The following GALNT13 variants were observed in gnomAD, a reference collection of about 807,000 sequenced individuals.
GALNT13 encodes polypeptide N-acetylgalactosaminyltransferase 13.
A neutral mutation model predicts 64.2 loss-of-function variants in GALNT13; 28 were observed. That is an observed-to-expected ratio of 0.44 (90% CI 0.32 to 0.60). The LOEUF is 0.60. GALNT13 is among the 20% of genes least tolerant of loss of function. GALNT13 has a pLI of 0.05. For missense variants in GALNT13, 577 were observed against 669.8 expected (o/e 0.86, Z 1.53); for synonymous variants, 214 against 224.6 (o/e 0.95, Z 0.42).
At chr2:154,247,093 A>G (rs1352486687) in intron 7 of GALNT13, among the ~76,000 whole-genome samples, 1 of 152,100 alleles carries the variant, frequency 6.6e-6, no homozygotes, top group Non-Finnish European at 1.5e-5. Flanking sequence ...GGCTAAAGGT[A>G]TTTGTTACTG....
intron 3 of GALNT13, among the ~76,000 whole-genome samples, chr2:154,097,250 C>T (rs1023774497): frequency 5.3e-5 from 8 of 151,924 alleles, no homozygotes; most frequent in Admixed American, 4.6e-4. Context: ...TCTCTGTCCT[C>T]GCTTAATTCA....
At chr2:154,110,083 G>T (rs1409207176) in intron 3 of GALNT13, among the ~76,000 whole-genome samples, 1 of 151,486 alleles carries the variant, frequency 6.6e-6, no homozygotes, top group Non-Finnish European at 1.5e-5. Context: ...GTAGAATTCA[G>T]CAGTGAAGGC....
chr2:153,781,727 A>T, the GALNT13 span, among the ~76,000 whole-genome samples: 321 of 152,310 alleles, frequency 2.1e-3, 1 homozygote, highest in African/African-American at 7.6e-3. Context: ...TAGCAGATTT[A>T]ACATTTTCTG....
intron 3 of GALNT13, among the ~76,000 whole-genome samples, chr2:154,099,175 G>A (rs1323988548): frequency 6.6e-6 from 1 of 152,224 alleles, no homozygotes; most frequent in African/African-American, 2.4e-5. Flanking sequence ...AATTAGTGAT[G>A]TTGAGCATTT....
chr2:153,857,288 T>C, the GALNT13 span, among the ~76,000 whole-genome samples: 3 of 152,188 alleles, frequency 2.0e-5, no homozygotes, highest in African/African-American at 4.8e-5. Context: ...GTGGTTGTTA[T>C]ATATTTACCA....
chr2:153,259,113 G>A, the GALNT13 span, among the ~76,000 whole-genome samples: 5 of 152,142 alleles, frequency 3.3e-5, no homozygotes, highest in African/African-American at 1.2e-4. Flanking sequence ...CTCCAGTGTT[G>A]GGAGTATGTA....
the GALNT13 span, among the ~76,000 whole-genome samples, chr2:153,616,884 T>G: frequency 2.0e-5 from 3 of 152,048 alleles, no homozygotes; most frequent in Non-Finnish European, 4.4e-5. Context: ...ATAATTTGAC[T>G]TCTTTCTTTC....
chr2:153,425,163 A>C, the GALNT13 span, among the ~76,000 whole-genome samples: 1 of 151,884 alleles, frequency 6.6e-6, no homozygotes, highest in East Asian at 1.9e-4. Context: ...ATAAGGTGTG[A>C]GTGGGAAAGA....
chr2:153,504,896 T>C, the GALNT13 span, among the ~76,000 whole-genome samples: 1 of 152,192 alleles, frequency 6.6e-6, no homozygotes, highest in Non-Finnish European at 1.5e-5. Flanking sequence ...ACCGGCTTCA[T>C]AGAATGGTTT....
At chr2:153,100,265 A>T in the GALNT13 span, among the ~76,000 whole-genome samples, 8 of 152,212 alleles carry the variant, frequency 5.3e-5, no homozygotes, top group Non-Finnish European at 2.9e-5. Context: ...AGAACTTGGC[A>T]TGTGGATTTC....
the GALNT13 span, among the ~76,000 whole-genome samples, chr2:153,852,253 A>G: frequency 3.9e-5 from 6 of 152,346 alleles, no homozygotes; most frequent in African/African-American, 9.6e-5. Flanking sequence ...ATTTAAAAAT[A>G]TCATGAAACG....
At chr2:153,141,132 G>GA in the GALNT13 span, among the ~76,000 whole-genome samples, 1 of 113,186 alleles carries the variant, frequency 8.8e-6, no homozygotes, top group South Asian at 3.5e-4. Flanking sequence ...GGTCTTTTGT[G>GA]ACTGGCTTTT....
chr2:154,022,352 A>G (rs1372195020), intron 3 of GALNT13, among the ~76,000 whole-genome samples: 3 of 152,046 alleles, frequency 2.0e-5, no homozygotes, highest in Non-Finnish European at 2.9e-5. Flanking sequence ...TTTGGTTGGT[A>G]AGCTATTGAT....
chr2:153,276,022 T>C, the GALNT13 span, among the ~76,000 whole-genome samples: 125,598 of 152,166 alleles, frequency 0.83, 53,034 homozygotes, highest in African/African-American at 0.91. Context: ...TTTAAATTTG[T>C]GTTTCTGAAC....
At chr2:153,298,856 G>A in the GALNT13 span, among the ~76,000 whole-genome samples, 1 of 152,154 alleles carries the variant, frequency 6.6e-6, no homozygotes, top group African/African-American at 2.4e-5. Context: ...AAATAATTCT[G>A]TCTCTGTATT....
At chr2:154,094,835 C>T (rs1366043587) in intron 3 of GALNT13, among the ~76,000 whole-genome samples, 1 of 151,792 alleles carries the variant, frequency 6.6e-6, no homozygotes, top group African/African-American at 2.4e-5. Flanking sequence ...TCTTATGCAA[C>T]TTACTTCATA....
chr2:153,768,102 A>G, the GALNT13 span, among the ~76,000 whole-genome samples: 1 of 152,144 alleles, frequency 6.6e-6, no homozygotes, highest in Non-Finnish European at 1.5e-5. Context: ...TTAAGTCTTT[A>G]ATATTCAATT....
At chr2:153,208,229 A>G in the GALNT13 span, 15 of 152,194 alleles carry the variant, frequency 9.9e-5, no homozygotes, top group Non-Finnish European at 1.9e-4. Context: ...AACATTTGGT[A>G]GAGTATATAA....
the GALNT13 span, among the ~76,000 whole-genome samples, chr2:153,441,933 C>G: frequency 3.3e-5 from 5 of 152,208 alleles, no homozygotes; most frequent in South Asian, 1.0e-3. Context: ...TTTGAATACC[C>G]TTTATTTCTT....
Sources: allele counts gnomAD v4.1 joint callset (sites outside exome capture counted in the v4.1 genomes callset), GRCh38; gene constraint gnomAD v4.1.1; transcripts MANE v1.5; gene names NCBI Gene and HGNC (gene_info 2026-07-23, HGNC 2026-07-21).